BRINP3: variants seen among roughly 807,000 people sequenced by gnomAD.
BRINP3 encodes the protein BMP/retinoic acid inducible neural specific 3.
In BRINP3, 19 loss-of-function variants were observed where a neutral mutation model predicts 71.0. That is an observed-to-expected ratio of 0.27 (90% CI 0.19 to 0.39). The LOEUF (loss-of-function observed/expected upper bound fraction) is 0.39, where lower values mean the gene tolerates loss of function less well. Among genes scored for constraint, BRINP3 ranks in the 10% least tolerant of loss-of-function variants. BRINP3 has a pLI of 1.00. For synonymous variants in BRINP3, 380 were observed against 337.7 expected (o/e 1.13, Z -1.37); for missense variants, 959 against 940.8 (o/e 1.02, Z -0.25).
intron 6 of BRINP3, among the ~76,000 whole-genome samples, chr1:190,181,037 T>C (rs1006946922): frequency 1.3e-5 from 2 of 152,050 alleles, no homozygotes; most frequent in African/African-American, 4.8e-5. Flanking sequence ...TCCACCTCTT[T>C]GCAGTTACAA....
At chr1:190,101,005 C>T (rs1334948179) in intron 7 of BRINP3, among the ~76,000 whole-genome samples, 1 of 152,088 alleles carries the variant, frequency 6.6e-6, no homozygotes, top group Admixed American at 6.5e-5. Context: ...AGTTTGGCTC[C>T]TTTTTGCTCT....
At chr1:190,370,882 TTTAA>T (rs1402072711) in intron 2 of BRINP3, among the ~76,000 whole-genome samples, 2 of 152,188 alleles carry the variant, frequency 1.3e-5, no homozygotes, top group South Asian at 2.1e-4. Flanking sequence ...TAATTTGTAT[TTTAA>T]TTAAATAATT....
chr1:190,098,513 G>A lies in BRINP3; in HGVS notation c.1806C>T (p.Asp602=). The A allele has an allele frequency of 6.2e-7, 1 of 1,614,104 alleles. No individual in the cohort carries two copies. Among genetic ancestry groups the A allele is most frequent in the Non-Finnish European group, 8.5e-7 (1 of 1,180,020 alleles). ...SFPDWERTKL[D]LPLQCYNWTL... ...TCCAGTTATAACACTGCAGGGGTAG[G>A]TCCAACTTAGTCCGCTCCCAGTCTG... Residue 602 remains aspartate (D), a synonymous_variant, in exon 8 of 8, where the codon GAC becomes GAT. Transcript: ENST00000367462.
At chr1:190,402,648 T>C (rs1571959225) in intron 2 of BRINP3, among the ~76,000 whole-genome samples, 1 of 152,194 alleles carries the variant, frequency 6.6e-6, no homozygotes, top group South Asian at 2.1e-4. Flanking sequence ...TAGAGTTCAA[T>C]GTTTTAGTTT....
At chr1:190,273,280 T>C (rs572651215) in intron 3 of BRINP3, among the ~76,000 whole-genome samples, 4 of 151,560 alleles carry the variant, frequency 2.6e-5, no homozygotes, top group Non-Finnish European at 5.9e-5. Context: ...CGTTCAAAAG[T>C]CATTTTTGTT....
intron 3 of BRINP3, among the ~76,000 whole-genome samples, chr1:190,274,073 C>T (rs985973629): frequency 2.0e-5 from 3 of 151,418 alleles, no homozygotes; most frequent in African/African-American, 4.8e-5. Flanking sequence ...GGACAGTCAT[C>T]ACAAAATTAC....
intron 6 of BRINP3, among the ~76,000 whole-genome samples, chr1:190,209,993 T>A (rs1237208422): frequency 6.6e-6 from 1 of 152,104 alleles, no homozygotes; most frequent in Non-Finnish European, 1.5e-5. Context: ...AAGGTAGTAT[T>A]GCTTAAAAGT....
intron 2 of BRINP3, among the ~76,000 whole-genome samples, chr1:190,395,401 T>C (rs1181067253): frequency 6.6e-6 from 1 of 151,734 alleles, no homozygotes; most frequent in Non-Finnish European, 1.5e-5. Context: ...TCTATTTAAC[T>C]GCACTTTGTA....
At chr1:190,279,653 T>C (rs1433279025) in intron 3 of BRINP3, among the ~76,000 whole-genome samples, 5 of 151,836 alleles carry the variant, frequency 3.3e-5, no homozygotes, top group Admixed American at 1.3e-4. Context: ...CTTTAATGTC[T>C]TGAGATTCCA....
chr1:190,395,802 A>C (rs750029985), intron 2 of BRINP3, among the ~76,000 whole-genome samples: 9 of 151,748 alleles, frequency 5.9e-5, no homozygotes, highest in Admixed American at 2.0e-4. Context: ...CCTCTCTTGA[A>C]CCCTTGAAGA....
chr1:190,131,115 T>C (rs1056357969), intron 7 of BRINP3, among the ~76,000 whole-genome samples: 7 of 140,348 alleles, frequency 5.0e-5, no homozygotes, highest in Non-Finnish European at 7.5e-5. Context: ...ATTTTATAGA[T>C]GAAGAAACTA....
intron 6 of BRINP3, among the ~76,000 whole-genome samples, chr1:190,191,380 G>A (rs144626854): frequency 2.0e-3 from 309 of 151,914 alleles, no homozygotes; most frequent in Middle Eastern, 0.01. Flanking sequence ...TGCACCTATT[G>A]ACCCATCCTC....
intron 5 of BRINP3, among the ~76,000 whole-genome samples, chr1:190,228,304 T>C (rs1215115536): frequency 3.3e-5 from 5 of 151,920 alleles, no homozygotes; most frequent in African/African-American, 7.2e-5. Context: ...TATATATTTA[T>C]TAAAAGACCT....
intron 2 of BRINP3, chr1:190,342,351 T>C (rs1201058888): frequency 6.9e-6 from 1 of 145,592 alleles, no homozygotes; most frequent in Admixed American, 7.1e-5. Context: ...TCTGCTTACA[T>C]ATTCATGGTT....
At chr1:190,108,694 A>G (rs1427216473) in intron 7 of BRINP3, among the ~76,000 whole-genome samples, 1 of 150,654 alleles carries the variant, frequency 6.6e-6, no homozygotes, top group East Asian at 1.9e-4. Context: ...TCACATCTAC[A>G]TAGAAAACAA....
intron 2 of BRINP3, among the ~76,000 whole-genome samples, chr1:190,432,625 G>A (rs970545915): frequency 1.3e-5 from 2 of 152,100 alleles, no homozygotes; most frequent in Non-Finnish European, 2.9e-5. Flanking sequence ...TTTGCCTATC[G>A]TTCTACTGCC....
chr1:190,183,653 G>T (rs1313451412), intron 6 of BRINP3, among the ~76,000 whole-genome samples: 1 of 152,084 alleles, frequency 6.6e-6, no homozygotes, highest in Non-Finnish European at 1.5e-5. Flanking sequence ...CACTGATACT[G>T]CTGGGGTTTG....
At chr1:190,460,564 T>C (rs562194296) in intron 1 of BRINP3, among the ~76,000 whole-genome samples, 17 of 152,262 alleles carry the variant, frequency 1.1e-4, no homozygotes, top group Middle Eastern at 3.4e-3. Context: ...TCAATTGCAA[T>C]GTGCAAAATA....
At chr1:190,473,035 A>G (rs917089074) in intron 1 of BRINP3, among the ~76,000 whole-genome samples, 1 of 151,948 alleles carries the variant, frequency 6.6e-6, no homozygotes, top group Non-Finnish European at 1.5e-5. Flanking sequence ...AGAAAATGAA[A>G]TTGATCGTTA....
Sources: allele counts gnomAD v4.1 joint callset (sites outside exome capture counted in the v4.1 genomes callset), GRCh38; gene constraint gnomAD v4.1.1; transcripts MANE v1.5; gene names NCBI Gene and HGNC (gene_info 2026-07-23, HGNC 2026-07-21).